SORL1: variants seen among roughly 807,000 people sequenced by gnomAD.
SORL1 encodes the protein sortilin-related receptor.
Under a neutral mutation model 273.7 loss-of-function variants are expected in SORL1, and 127 were observed. That is an observed-to-expected ratio of 0.46 (90% CI 0.40 to 0.54). SORL1 has a LOEUF of 0.54. SORL1 is among the 20% of genes least tolerant of loss of function. The probability of loss-of-function intolerance (pLI) is 0.00; values close to 1 mark genes in which losing one functional copy is unlikely to be tolerated. For missense variants in SORL1, 2,494 were observed against 2,846.1 expected, an observed-to-expected ratio of 0.88 and a Z score of 2.81; for synonymous variants, 1,031 against 1,067.4, an observed-to-expected ratio of 0.97 and a Z score of 0.66.
intron 6 of SORL1, among the ~76,000 whole-genome samples, chr11:121,508,807 A>G (rs546961237): frequency 1.1e-4 from 17 of 152,236 alleles, no homozygotes; most frequent in African/African-American, 4.1e-4. Flanking sequence ...CCTTTATTTC[A>G]TTTGCAGAAT....
At chr11:121,512,927 T>A (rs1486605100) in intron 6 of SORL1, 76 bp from the exon 7 acceptor site, 15 of 985,234 alleles carry the variant, frequency 1.5e-5, no homozygotes, top group Non-Finnish European at 2.2e-5. Context: ...ATCTGACTCT[T>A]CTATTTTTAT....
At chr11:121,552,131 A>C (rs1323529710) in intron 16 of SORL1, among the ~76,000 whole-genome samples, 1 of 152,212 alleles carries the variant, frequency 6.6e-6, no homozygotes, top group Non-Finnish European at 1.5e-5. Context: ...CCTATGTAAA[A>C]GAGAGAAAAA....
At position 121,591,152 on chromosome 11, in the gene SORL1, G is replaced by C; in HGVS notation, c.4365G>C (p.Leu1455Phe). ...GCTCTGACGAGGAAGCCTGCCCCTT[G>C]CTTGGTGAGTTCTGGCCCAGGTCCT... ...ADGSDEEACP[L>F]LANVTAASTP... Residue 1455 changes from leucine to phenylalanine, a missense_variant, in exon 31 of 48, where the codon TTG (leucine) becomes TTC (phenylalanine). By Grantham distance (22) the Leu-to-Phe change is conservative. Around this residue, in one of 3 missense-constraint regions of SORL1, gnomAD observed 1,609 missense variants for 1,816.4 expected, o/e 0.89. Transcript: ENST00000260197. 6.2e-7 allele frequency: 1 copy of C among 1,614,130 alleles called. No homozygotes were observed. The highest frequency in any genetic ancestry group is 1.1e-5 in the South Asian group (1 of 91,072).
Position 121,567,110 on chromosome 11 carries a change from C to A in SORL1, c.3220C>A (p.Gln1074Lys). 6.2e-7 allele frequency: 1 copy of A among 1,611,140 alleles called. No individual in the cohort carries two copies. The highest frequency in any genetic ancestry group is 1.1e-5 in the South Asian group (1 of 90,524). ...YQLKNNTCVK[Q>K]ENTCLRNQYR... ...GCTCAAGAACAATACCTGTGTCAAA[C>A]AAGGTACTTCCCTTTTTCTTTTTTG... Residue 1074 changes from glutamine to lysine, a missense_variant, in exon 22 of 48, where the codon CAA becomes AAA. This residue lies in a region of SORL1 where 1,609 missense variants were observed against 1,816.4 expected (regional missense o/e 0.89). Transcript: ENST00000260197.
At chr11:121,558,444 A>G in intron 19 of SORL1, 147 bp from the exon 20 acceptor site, 1 of 759,340 alleles carries the variant, frequency 1.3e-6, no homozygotes, top group Non-Finnish European at 2.2e-6. Context: ...AAGTAGTTTC[A>G]GGTGTTGTCA....
intron 24 of SORL1, among the ~76,000 whole-genome samples, chr11:121,574,597 CTGGGACCCTAGATTCCCATTAACTCTGGA>C (rs1169789015): frequency 1.3e-5 from 2 of 152,108 alleles, no homozygotes; most frequent in African/African-American, 2.4e-5. Context: ...CACTTGCGAA[CTGGGACCCTAGATTCCCATTAACTCTGGA>C]TGGGACCCTA....
intron 4 of SORL1, 47 bp downstream of exon 4, chr11:121,488,240 C>G (rs1282564128): frequency 6.3e-7 from 1 of 1,588,330 alleles, no homozygotes; most frequent in Non-Finnish European, 8.6e-7. Flanking sequence ...CTCTAGTTTT[C>G]TCCTCTGCCT....
chr11:121,489,625 A>G (rs921568007), intron 4 of SORL1, among the ~76,000 whole-genome samples: 4 of 152,150 alleles, frequency 2.6e-5, no homozygotes, highest in African/African-American at 9.7e-5. Flanking sequence ...CTTATCCCTC[A>G]TGGACACTTG....
Position 121,621,156 on chromosome 11 carries a change from C to T in SORL1, c.5982C>T (p.Asn1994=). 1 of 1,614,102 alleles carries T rather than the reference C, an allele frequency of 6.2e-7. No homozygotes were observed. Among genetic ancestry groups the T allele is most frequent in the Non-Finnish European group, 8.5e-7 (1 of 1,179,926 alleles). The part of the protein sequence containing the change: ...SRNSTVEYTL[N]KLEPGGKYHI... ...ACAGCACTGTGGAATACACCCTTAA[C>T]AAGTTGGAGCCTGGCGGGAAATACC... Residue 1994 remains asparagine (N), a synonymous_variant, in exon 44 of 48, where the codon AAC becomes AAT. Transcript: ENST00000260197.
chr11:121,585,705 T>C (rs957601470), intron 26 of SORL1, among the ~76,000 whole-genome samples: 2 of 152,230 alleles, frequency 1.3e-5, no homozygotes, highest in Admixed American at 1.3e-4. Context: ...TTAAGTATAC[T>C]CTGTATTATT....
At chr11:121,557,937 G>A (rs1375474873) in intron 19 of SORL1, among the ~76,000 whole-genome samples, 1 of 152,066 alleles carries the variant, frequency 6.6e-6, no homozygotes, top group Non-Finnish European at 1.5e-5. Context: ...TAGAGAATTG[G>A]CACAATTTTT....
intron 2 of SORL1, among the ~76,000 whole-genome samples, chr11:121,476,095 C>T (rs900687828): frequency 1.3e-5 from 2 of 152,108 alleles, no homozygotes; most frequent in African/African-American, 4.8e-5. Flanking sequence ...TGAAGATATA[C>T]GTGGGGGGTT....
chr11:121,505,653 T>A (rs1233259612), intron 6 of SORL1, among the ~76,000 whole-genome samples: 1 of 152,130 alleles, frequency 6.6e-6, no homozygotes, highest in Non-Finnish European at 1.5e-5. Context: ...TCATTTTCAT[T>A]CATCTTAAAG....
rs1861308361 is a variant in SORL1 at position 121,478,125 on chromosome 11, T to G, written c.410T>G (p.Val137Gly). ...CTTTTCTCTGTATTCCAGGTGTACGTGTCTTACGACTATGGAAAATCATTC... is the reference window on the plus strand; with the variant it reads ...CTTTTCTCTGTATTCCAGGTGTACGGGTCTTACGACTATGGAAAATCATTC... ...LARPKSSDVY[V>G]SYDYGKSFKK... The change falls in exon 3 of 48, where the codon GTG becomes GGG. Residue 137 changes from valine to glycine, a missense_variant. Val to Gly is a moderately radical substitution (Grantham distance 109). Coordinates refer to ENST00000260197, the MANE Select transcript of SORL1 (RefSeq NM_003105.6). 6.2e-7 allele frequency: 1 copy of G among 1,613,982 alleles called. No individual in the cohort carries two copies. Among genetic ancestry groups the G allele is most frequent in the Non-Finnish European group, 8.5e-7 (1 of 1,179,922 alleles).
At chr11:121,561,686 C>G (rs947119937) in intron 21 of SORL1, among the ~76,000 whole-genome samples, 1 of 60,254 alleles carries the variant, frequency 1.7e-5, no homozygotes. Flanking sequence ...GAGACCCTGT[C>G]ACCGAAAAAA....
At chr11:121,590,262 T>G in intron 30 of SORL1, 88 bp downstream of exon 30, 1 of 1,391,736 alleles carries the variant, frequency 7.2e-7, no homozygotes, top group Non-Finnish European at 9.7e-7. Context: ...CCTGGCTGAT[T>G]CCGTGTTTTG....
At chr11:121,472,976 A>AG (rs1000081346) in intron 2 of SORL1, among the ~76,000 whole-genome samples, 1 of 151,440 alleles carries the variant, frequency 6.6e-6, no homozygotes, top group African/African-American at 2.4e-5. Flanking sequence ...AAGAAAAAAA[A>AG]AAAGGAGATA....
chr11:121,579,200 T>G (rs1172472731), intron 25 of SORL1, among the ~76,000 whole-genome samples: 1 of 152,230 alleles, frequency 6.6e-6, no homozygotes, highest in East Asian at 1.9e-4. Flanking sequence ...GGAGAAAACT[T>G]AAGAGTCCTT....
chr11:121,628,397 A>G (rs1319551694), intron 47 of SORL1, among the ~76,000 whole-genome samples: 1 of 152,200 alleles, frequency 6.6e-6, no homozygotes, highest in Non-Finnish European at 1.5e-5. Flanking sequence ...GGGAGCGCTC[A>G]GTCTGGATCC....
Sources: allele counts gnomAD v4.1 joint callset (sites outside exome capture counted in the v4.1 genomes callset), GRCh38; gene constraint gnomAD v4.1.1; regional missense constraint gnomAD v4.1.1; transcripts MANE v1.5; gene names NCBI Gene and HGNC (gene_info 2026-07-23, HGNC 2026-07-21).